Variants in PTPN12 observed in about 807,000 individuals in gnomAD.
PTPN12 encodes the protein tyrosine-protein phosphatase non-receptor type 12.
Under a neutral mutation model 97.6 loss-of-function variants are expected in PTPN12, and 29 were observed. The ratio of observed to expected loss-of-function variants is 0.30; its 90% CI spans 0.22 to 0.41. The LOEUF (loss-of-function observed/expected upper bound fraction) is 0.41, where lower values mean the gene tolerates loss of function less well. PTPN12 is among the 10% of genes least tolerant of loss of function. PTPN12 has a pLI of 1.00. For synonymous variants in PTPN12, 327 were observed against 300.4 expected (o/e 1.09, Z -0.91); for missense variants, 819 against 926.0 (o/e 0.88, Z 1.50).
chr7:77,613,167 GTT>G (rs576216122), intron 11 of PTPN12, among the ~76,000 whole-genome samples: 34,289 of 89,712 alleles, frequency 0.38, 5,010 homozygotes, highest in Middle Eastern at 0.48. Context: ...TAATTTTTGG[GTT>G]TTTTTTTTTT....
chr7:77,620,489 A>G (rs1220320621), intron 12 of PTPN12, among the ~76,000 whole-genome samples: 1 of 152,226 alleles, frequency 6.6e-6, no homozygotes, highest in African/African-American at 2.4e-5. Context: ...ATTATTTTTG[A>G]CAAAGAGAAC....
At chr7:77,585,201 A>G (rs1288685044) in intron 4 of PTPN12, 1 of 155,734 alleles carries the variant, frequency 6.4e-6, no homozygotes, top group Non-Finnish European at 1.4e-5. Flanking sequence ...TATATTTTTA[A>G]TTAATAGTGC....
chr7:77,548,276 G>C (rs1156368745), intron 1 of PTPN12, among the ~76,000 whole-genome samples: 1 of 152,188 alleles, frequency 6.6e-6, no homozygotes, highest in African/African-American at 2.4e-5. Context: ...CTCTTGCTTA[G>C]TTTGGATTCC....
intron 9 of PTPN12, among the ~76,000 whole-genome samples, chr7:77,609,273 CTT>C (rs34358650): frequency 6.3e-5 from 8 of 126,892 alleles, no homozygotes; most frequent in Non-Finnish European, 8.0e-5. Context: ...CTCTCTCTCT[CTT>C]TTTTTTTTTT....
intron 1 of PTPN12, among the ~76,000 whole-genome samples, chr7:77,564,991 C>A (rs1000981971): frequency 1.3e-5 from 2 of 151,902 alleles, no homozygotes; most frequent in African/African-American, 2.4e-5. Context: ...CTCCTGACTT[C>A]GTGATCTACC....
chr7:77,540,450 C>A (rs1584079678), intron 1 of PTPN12, among the ~76,000 whole-genome samples: 1 of 151,832 alleles, frequency 6.6e-6, no homozygotes, highest in Non-Finnish European at 1.5e-5. Context: ...ATTGGCCAGA[C>A]TGGTCTTGAA....
intron 1 of PTPN12, among the ~76,000 whole-genome samples, chr7:77,539,578 T>C (rs1806849265): frequency 6.6e-6 from 1 of 152,162 alleles, no homozygotes; most frequent in Admixed American, 6.5e-5. Flanking sequence ...ATATTTAAGA[T>C]GTTTAAAACT....
chr7:77,631,019 G>A (rs578143230), intron 13 of PTPN12, among the ~76,000 whole-genome samples: 1 of 152,256 alleles, frequency 6.6e-6, no homozygotes, highest in Non-Finnish European at 1.5e-5. Flanking sequence ...GATAGAAAAA[G>A]GGCTGAACTG....
At chr7:77,609,755 CCTGTAG>C (rs1379867275) in intron 9 of PTPN12, among the ~76,000 whole-genome samples, 1 of 151,404 alleles carries the variant, frequency 6.6e-6, no homozygotes, top group Non-Finnish European at 1.5e-5. Context: ...GTGGCGGGGG[CCTGTAG>C]TCCCAGCTAC....
chr7:77,635,763 A>G lies in PTPN12; in HGVS notation c.2075-19A>G. 1.9e-6 allele frequency: 3 copies of G among 1,543,664 alleles called. No homozygotes were observed. Among genetic ancestry groups the G allele is most frequent in the Non-Finnish European group, 2.6e-6 (3 of 1,133,878 alleles). On this transcript the variant is annotated intron_variant, in intron 14 of 17. Coordinates refer to ENST00000248594, the MANE Select transcript of PTPN12 (RefSeq NM_002835.4). ...AGAAATTCAAGGTGTTAATAACAAT[A>G]AGATTTCATTTTTCTCAGATACACC...
intron 16 of PTPN12, among the ~76,000 whole-genome samples, chr7:77,638,313 A>T (rs1035021575): frequency 2.6e-5 from 4 of 152,130 alleles, no homozygotes; most frequent in Non-Finnish European, 5.9e-5. Context: ...CCCTTAGAAC[A>T]TAGGCATATA....
chr7:77,562,916 A>C (rs967396191), intron 1 of PTPN12, among the ~76,000 whole-genome samples: 3 of 151,214 alleles, frequency 2.0e-5, no homozygotes, highest in African/African-American at 7.3e-5. Context: ...ACGAAGGGAC[A>C]GGAGAGAAGA....
chr7:77,581,059 TTTTG>T (rs1787500005), intron 2 of PTPN12, among the ~76,000 whole-genome samples: 1 of 137,324 alleles, frequency 7.3e-6, no homozygotes, highest in African/African-American at 2.6e-5. Flanking sequence ...TTTTGTTTTG[TTTTG>T]TTTTTTTGCT....
chr7:77,619,509 A>G (rs900722343), intron 12 of PTPN12, among the ~76,000 whole-genome samples: 4 of 152,208 alleles, frequency 2.6e-5, no homozygotes, highest in African/African-American at 7.2e-5. Context: ...CATTTTGACC[A>G]TGCAAGATTC....
At chr7:77,620,857 A>G (rs1433352952) in intron 12 of PTPN12, among the ~76,000 whole-genome samples, 1 of 152,224 alleles carries the variant, frequency 6.6e-6, no homozygotes, top group Non-Finnish European at 1.5e-5. Flanking sequence ...CTGAGGCAGG[A>G]GAATCGCTTG....
chr7:77,564,632 T>G (rs1808147243), intron 1 of PTPN12, among the ~76,000 whole-genome samples: 1 of 152,046 alleles, frequency 6.6e-6, no homozygotes, highest in Non-Finnish European at 1.5e-5. Flanking sequence ...ATTTCCATTT[T>G]TATTTACTAT....
Position 77,627,499 on chromosome 7 carries a change from A to T in PTPN12, c.1820A>T (p.Asp607Val), listed in dbSNP as rs769780549. 9.3e-6 allele frequency: 15 copies of T among 1,613,814 alleles called. No individual in the cohort carries two copies. In the Admixed American group the frequency reaches 1.0e-4, roughly 11 times the overall value. The change falls in exon 13 of 18, where the codon GAC becomes GTC. Residue 607 changes from aspartate (D) to valine (V), a missense_variant. Around this residue, in one of 5 missense-constraint regions of PTPN12, gnomAD observed 607 missense variants for 577.3 expected, o/e 1.05. Transcript: ENST00000248594. The stretch of plus-strand genomic sequence containing the variant: ...AATCCACTTCACTCTGATGACTCAG[A>T]CTCAGATGAAAGAAACTCTGATGGT... Reference protein sequence around the residue: ...FTNPLHSDDSDSDERNSDGAV... With the variant: ...FTNPLHSDDSVSDERNSDGAV...
chr7:77,571,308 G>C, intron 2 of PTPN12, 122 bp downstream of exon 2: 1 of 613,194 alleles, frequency 1.6e-6, no homozygotes, highest in Admixed American at 4.0e-5. Context: ...ATCTTTCAAA[G>C]TACATGGAAA....
At chr7:77,543,641 C>T (rs1807087280) in intron 1 of PTPN12, among the ~76,000 whole-genome samples, 1 of 152,060 alleles carries the variant, frequency 6.6e-6, no homozygotes, top group Non-Finnish European at 1.5e-5. Context: ...AGGACATTTT[C>T]TTCACTTTCT....
Sources: gnomAD v4.1 joint callset for allele counts (sites outside exome capture counted in the v4.1 genomes callset) on GRCh38, gnomAD v4.1.1 for gene constraint, gnomAD v4.1.1 regional missense constraint, MANE v1.5 for transcripts, NCBI Gene and HGNC (gene_info 2026-07-23, HGNC 2026-07-21) for gene names.